CMSS1: variants seen among roughly 807,000 people sequenced by gnomAD.
CMSS1 encodes protein CMSS1.
Under a neutral mutation model 43.5 loss-of-function variants are expected in CMSS1, and 33 were observed. The ratio of observed to expected loss-of-function variants is 0.76; its 90% CI spans 0.57 to 1.01. The LOEUF (loss-of-function observed/expected upper bound fraction) is 1.01, where lower values mean the gene tolerates loss of function less well. Among genes scored for constraint, CMSS1 ranks in the 50% least tolerant of loss-of-function variants. The pLI is 0.00. For missense variants in CMSS1, 313 were observed against 326.4 expected (o/e 0.96, Z 0.32); for synonymous variants, 115 against 117.2 (o/e 0.98, Z 0.12).
chr3:100,070,608 T>A (rs2065745026), intron 1 of CMSS1, among the ~76,000 whole-genome samples: 1 of 152,154 alleles, frequency 6.6e-6, no homozygotes, highest in African/African-American at 2.4e-5. Context: ...AGACTTCATA[T>A]CATCGTGGGG....
chr3:99,820,726 C>T lies in CMSS1; in HGVS notation c.64+2683C>T, dbSNP rs1450773728. ...ATGGGATCTAGCCTTGATCCTAGAG[C>T]ACAAGGCTTACTTACCTGGCTGCCT... On this transcript the variant is annotated intron_variant, in intron 1 of 9. Transcript: ENST00000421999. 2.6e-5 allele frequency among the ~76,000 whole-genome samples: 4 copies of T among 152,200 alleles called. No homozygotes were observed. The East Asian group carries it at 7.7e-4, about 29-fold the overall frequency.
intron 1 of CMSS1, among the ~76,000 whole-genome samples, chr3:100,030,297 C>G (rs1280129912): frequency 6.6e-6 from 1 of 152,088 alleles, no homozygotes; most frequent in Non-Finnish European, 1.5e-5. Context: ...GGATCTATGC[C>G]ACCAGAAGTC....
At position 100,172,197 on chromosome 3, in the gene CMSS1, C is replaced by G. The variant is rs1047700001; in HGVS notation, c.580-119C>G. ...CTCTGCCCTGGAAGTCGACCCTACA[C>G]AAGGGTAGCTCCATTTGTATTTCAC... On this transcript the variant is annotated intron_variant, in intron 7 of 9. Coordinates refer to ENST00000421999, the MANE Select transcript of CMSS1 (RefSeq NM_032359.4). 3.4e-6 allele frequency: 3 copies of G among 879,864 alleles called. No homozygotes were observed. In the Admixed American group the frequency reaches 7.2e-5, roughly 21 times the overall value. The allele number at this position is 879,864 out of a possible 1,614,324, so 54.5% of individuals were successfully genotyped here. A position where few individuals can be genotyped will look rare whatever the true frequency, so the allele number is the denominator to read the frequency against.
chr3:99,867,087 C>T (rs953410433), intron 1 of CMSS1, among the ~76,000 whole-genome samples: 1 of 152,138 alleles, frequency 6.6e-6, no homozygotes, highest in African/African-American at 2.4e-5. Flanking sequence ...TTAAGATGAA[C>T]ATGTTCTAGA....
At chr3:100,151,736 C>T (rs1281625488) in intron 2 of CMSS1, among the ~76,000 whole-genome samples, 2 of 152,132 alleles carry the variant, frequency 1.3e-5, no homozygotes, top group African/African-American at 2.4e-5. Flanking sequence ...ATCTGGCTAC[C>T]ACACTCTTCC....
chr3:99,969,812 A>G (rs1243035994), intron 1 of CMSS1, among the ~76,000 whole-genome samples: 6 of 152,218 alleles, frequency 3.9e-5, no homozygotes, highest in Non-Finnish European at 7.3e-5. Context: ...GCTTGTCTAG[A>G]TGGATACTGA....
chr3:100,036,957 A>C (rs1214916542), intron 1 of CMSS1, among the ~76,000 whole-genome samples: 1 of 152,210 alleles, frequency 6.6e-6, no homozygotes, highest in East Asian at 1.9e-4. Flanking sequence ...CTAAACTAAA[A>C]GATACTCTTC....
intron 1 of CMSS1, among the ~76,000 whole-genome samples, chr3:100,068,990 G>C (rs1225474625): frequency 1.3e-5 from 2 of 152,170 alleles, no homozygotes; most frequent in Non-Finnish European, 2.9e-5. Context: ...GGGAGCTGCC[G>C]TTCTGCTCCA....
intron 1 of CMSS1, among the ~76,000 whole-genome samples, chr3:99,913,814 A>C (rs1291073658): frequency 6.6e-6 from 1 of 152,238 alleles, no homozygotes; most frequent in Admixed American, 6.5e-5. Flanking sequence ...AAAAGAAAAA[A>C]CGTAGAAAAC....
rs148553578 is a variant in CMSS1 at position 100,082,898 on chromosome 3, A to G, written c.65-64075A>G. 4.6e-3 allele frequency among the ~76,000 whole-genome samples: 694 copies of G among 152,342 alleles called. 7 individuals carry two copies. Among genetic ancestry groups the G allele is most frequent in the African/African-American group, 0.016 (679 of 41,582 alleles). ...TTATTTTGTGAGAATGGCCTATTGT[A>G]CATTCCACAATCTGTAGAATTAGCT... On this transcript the variant is annotated intron_variant, in intron 1 of 9. Transcript: ENST00000421999.
At chr3:99,862,535 G>A (rs550279929) in intron 1 of CMSS1, among the ~76,000 whole-genome samples, 2 of 152,286 alleles carry the variant, frequency 1.3e-5, no homozygotes, top group African/African-American at 4.8e-5. Flanking sequence ...GGGCTGTCCT[G>A]TACACTGTAG....
intron 1 of CMSS1, among the ~76,000 whole-genome samples, chr3:100,139,287 T>A (rs1348088259): frequency 1.3e-5 from 2 of 152,150 alleles, no homozygotes; most frequent in South Asian, 2.1e-4. Context: ...ACCTGCACGT[T>A]CTGCACATGG....
chr3:99,995,331 A>G (rs1179751120), intron 1 of CMSS1, among the ~76,000 whole-genome samples: 1 of 152,202 alleles, frequency 6.6e-6, no homozygotes, highest in Non-Finnish European at 1.5e-5. Context: ...TCTCACATCC[A>G]GGTCACACTG....
At chr3:100,031,095 ATT>A (rs1011897273) in intron 1 of CMSS1, among the ~76,000 whole-genome samples, 1 of 151,936 alleles carries the variant, frequency 6.6e-6, no homozygotes, top group African/African-American at 2.4e-5. Context: ...GTCAGATTCT[ATT>A]TTTTTCTGCT....
intron 1 of CMSS1, among the ~76,000 whole-genome samples, chr3:99,965,578 C>T (rs1207239492): frequency 6.6e-6 from 1 of 152,276 alleles, no homozygotes; most frequent in African/African-American, 2.4e-5. Flanking sequence ...TTTAAGCATA[C>T]CCTTAGAATG....
At chr3:100,054,495 A>ATGTTT (rs1459088582) in intron 1 of CMSS1, among the ~76,000 whole-genome samples, 1 of 33,492 alleles carries the variant, frequency 3.0e-5, no homozygotes, top group Non-Finnish European at 6.2e-5. Flanking sequence ...ATGTTTTGTT[A>ATGTTT]TGTTATGTTA....
At chr3:100,060,779 G>A (rs2065549902) in intron 1 of CMSS1, among the ~76,000 whole-genome samples, 1 of 152,144 alleles carries the variant, frequency 6.6e-6, no homozygotes, top group East Asian at 1.9e-4. Flanking sequence ...GGAGGATAAC[G>A]AGCGTGGGAG....
intron 1 of CMSS1, chr3:99,849,872 A>G: frequency 6.2e-7 from 1 of 1,610,960 alleles, no homozygotes; most frequent in Non-Finnish European, 8.5e-7. Flanking sequence ...TTTTTTAGGA[A>G]ATCTTTCTCA....
In CMSS1 at chr3:100,160,429, G is replaced by A. The variant is rs578028608; in HGVS notation, c.154-1G>A. On this transcript the variant is annotated splice_acceptor_variant, in intron 2 of 9. Transcript: ENST00000421999. LOFTEE classifies it high-confidence loss of function. Reference sequence around the variant, plus strand: ...ATGTTCTCATTTGTATTTCTTAATAGCCTAAAGAATGTTTTTTGATACAAC... The same window carrying A: ...ATGTTCTCATTTGTATTTCTTAATAACCTAAAGAATGTTTTTTGATACAAC... 3.5e-6 allele frequency: 5 copies of A among 1,443,398 alleles called. No homozygotes were observed. The highest frequency in any genetic ancestry group is 4.8e-6 in the Non-Finnish European group (5 of 1,031,546). 89.4% of individuals were successfully genotyped at this position (1,443,398 alleles called of 1,614,324 possible).
Sources: gnomAD v4.1 joint callset for allele counts (sites outside exome capture counted in the v4.1 genomes callset) on GRCh38, gnomAD v4.1.1 for gene constraint, MANE v1.5 for transcripts, NCBI Gene and HGNC (gene_info 2026-07-23, HGNC 2026-07-21) for gene names.